The following ZNF43 variants were observed in gnomAD, a reference collection of about 807,000 sequenced individuals.
The protein encoded by ZNF43 is zinc finger protein 43.
In ZNF43, 44 loss-of-function variants were observed where a neutral mutation model predicts 68.4. The ratio of observed to expected loss-of-function variants is 0.64; its 90% CI spans 0.51 to 0.83. The LOEUF is 0.83. Ranked by LOEUF, ZNF43 falls within the 40% of genes least tolerant of loss-of-function variation. ZNF43 has a pLI of 0.00. For missense variants in ZNF43, 896 were observed against 933.2 expected, an observed-to-expected ratio of 0.96 and a Z score of 0.52; for synonymous variants, 308 against 307.8, an observed-to-expected ratio of 1.00 and a Z score of -0.01.
At chr19:21,814,004 CCA>C (rs2037401733) in intron 3 of ZNF43, among the ~76,000 whole-genome samples, 2 of 152,096 alleles carry the variant, frequency 1.3e-5, no homozygotes, top group South Asian at 4.1e-4. Context: ...CTGAAGCAAT[CCA>C]CCTGTCTTGG....
chr19:21,833,668 T>C (rs533075222), intron 1 of ZNF43, among the ~76,000 whole-genome samples: 1 of 151,016 alleles, frequency 6.6e-6, no homozygotes, highest in South Asian at 2.1e-4. Flanking sequence ...AACAACAAAA[T>C]GAAGTGTGGC....
intron 1 of ZNF43, among the ~76,000 whole-genome samples, chr19:21,825,827 TG>T (rs1481628250): frequency 6.6e-6 from 1 of 152,114 alleles, no homozygotes; most frequent in Non-Finnish European, 1.5e-5. Flanking sequence ...CCAAGGCAGG[TG>T]GATCAGGAGG....
intron 1 of ZNF43, among the ~76,000 whole-genome samples, chr19:21,844,747 A>G (rs996700828): frequency 6.0e-5 from 9 of 150,582 alleles, no homozygotes; most frequent in Non-Finnish European, 1.0e-4. Flanking sequence ...AATACAAAAA[A>G]CTAGCCAGGC....
chr19:21,825,121 C>G (rs1259881364), intron 1 of ZNF43, among the ~76,000 whole-genome samples: 1 of 152,094 alleles, frequency 6.6e-6, no homozygotes. Flanking sequence ...GTAATCCCAG[C>G]TACTCGGGAG....
At chr19:21,820,222 T>C (rs939689891) in intron 1 of ZNF43, among the ~76,000 whole-genome samples, 4 of 146,956 alleles carry the variant, frequency 2.7e-5, no homozygotes, top group Non-Finnish European at 4.5e-5. Context: ...TAATAATATA[T>C]ATATATAATA....
In ZNF43 at chr19:21,808,118, T is replaced by C. The variant is rs377477408; in HGVS notation, c.1919A>G (p.His640Arg). The change falls in exon 4 of 4, where the codon CAT becomes CGT. Residue 640 changes from histidine to arginine, a missense_variant. By Grantham distance (29) the His-to-Arg change is conservative (BLOSUM62 0). Coordinates refer to ENST00000354959, the MANE Select transcript of ZNF43 (RefSeq NM_003423.4). ...TTTCTCCTCAGTGTGAATTATCTTA[T>C]GTTTAGTAAGAGTTGAGAACTGGTT... is the stretch of plus-strand genomic sequence containing the variant. Reference protein sequence around the residue: ...AFNQFSTLTKHKIIHTEEKPY... With the variant: ...AFNQFSTLTKRKIIHTEEKPY... 6.2e-7 allele frequency: 1 copy of C among 1,613,200 alleles called. No individual in the cohort carries two copies. Among genetic ancestry groups the C allele is most frequent in the South Asian group, 1.1e-5 (1 of 91,024 alleles).
At position 21,850,724 on chromosome 19, in the gene ZNF43, T is replaced by A. The variant is rs1968291764; in HGVS notation, c.30+1181A>T. On this transcript the variant is annotated intron_variant, in intron 1 of 3. Transcript: ENST00000357491. ...CTTAGCAATATGTAACAATGCACCT[T>A]GTGGACAGTGCCAAGGCAAGAAAAA... Among the ~76,000 whole-genome samples the A allele has an allele frequency of 5.9e-5, 9 of 152,138 alleles. 1 individual carries two copies. Among genetic ancestry groups the A allele is most frequent in the Admixed American group, 5.9e-4 (9 of 15,276 alleles).
intron 3 of ZNF43, among the ~76,000 whole-genome samples, chr19:21,816,473 C>T (rs2145204030): frequency 6.6e-6 from 1 of 152,314 alleles, no homozygotes; most frequent in Middle Eastern, 3.4e-3. Flanking sequence ...CTGTTCTTAA[C>T]TACAGACCAG....
intron 1 of ZNF43, among the ~76,000 whole-genome samples, chr19:21,833,351 C>G (rs1030017461): frequency 1.3e-5 from 2 of 152,126 alleles, no homozygotes; most frequent in Non-Finnish European, 2.9e-5. Flanking sequence ...ACTGCAACCT[C>G]GGCCTCCCAG....
intron 1 of ZNF43, among the ~76,000 whole-genome samples, chr19:21,843,501 T>C (rs552746887): frequency 1.3e-5 from 2 of 152,280 alleles, no homozygotes; most frequent in South Asian, 2.1e-4. Context: ...AGTAAAATCA[T>C]AGCCTTGGCC....
intron 3 of ZNF43, among the ~76,000 whole-genome samples, chr19:21,816,417 T>C (rs2145203773): frequency 6.6e-6 from 1 of 152,286 alleles, no homozygotes; most frequent in African/African-American, 2.4e-5. Context: ...AGGAGTTTTC[T>C]TTTTCAGAAG....
At chr19:21,851,946 G>A (rs1006853404) in exon 1 of ZNF43, 1 of 1,565,102 alleles carries the variant, frequency 6.4e-7, no homozygotes, top group South Asian at 1.2e-5. Context: ...TTAGCTGTGC[G>A]TCTCCCAGGA....
chr19:21,828,206 T>C (rs1041450121), intron 1 of ZNF43, among the ~76,000 whole-genome samples: 4 of 152,258 alleles, frequency 2.6e-5, no homozygotes, highest in Non-Finnish European at 4.4e-5. Context: ...TCATAATGTA[T>C]GTAGTATTCT....
rs1568338644 is a variant in ZNF43 at position 21,808,086 on chromosome 19, T to C, written c.1951A>G (p.Lys651Glu). 3 of 1,613,032 alleles carry C rather than the reference T, an allele frequency of 1.9e-6. 1 individual carries two copies. Among genetic ancestry groups the C allele is most frequent in the South Asian group, 2.2e-5 (2 of 91,020 alleles). Residue 651 changes from lysine to glutamate, a missense_variant, in exon 4 of 4, where the codon AAA becomes GAA. Coordinates refer to ENST00000354959, the MANE Select transcript of ZNF43 (RefSeq NM_003423.4). ...AAGGCTTTGCCACATTCTTCACATT[T>C]GTAGGGTTTCTCCTCAGTGTGAATT... ...KIIHTEEKPY[K>E]CEECGKAFKW...
chr19:21,821,061 C>G (rs1055110214), intron 1 of ZNF43, among the ~76,000 whole-genome samples: 5 of 151,564 alleles, frequency 3.3e-5, no homozygotes, highest in African/African-American at 9.7e-5. Flanking sequence ...TCTCAAACTC[C>G]TGAACTCCAG....
At position 21,847,478 on chromosome 19, in the gene ZNF43, C is replaced by A. The variant is rs113091889; in HGVS notation, c.30+4427G>T. On this transcript the variant is annotated intron_variant, in intron 1 of 3. Transcript: ENST00000357491. ...TTGGGAGGCTGAGGAGGGTGGATCA[C>A]TTGAGGCCAGGAGTTCGAGACCAGC... is the stretch of plus-strand genomic sequence containing the variant. Among the ~76,000 whole-genome samples the A allele has an allele frequency of 3.2e-3, 484 of 152,188 alleles. 5 individuals are homozygous for A. The highest frequency in any genetic ancestry group is 0.011 in the African/African-American group (448 of 41,536).
chr19:21,832,286 T>A (rs994501397), intron 1 of ZNF43, among the ~76,000 whole-genome samples: 1 of 152,030 alleles, frequency 6.6e-6, no homozygotes, highest in South Asian at 2.1e-4. Flanking sequence ...TAAAAAAAAA[T>A]TTCTATTTAA....
At chr19:21,818,073 T>G in intron 2 of ZNF43, 87 bp from the exon 3 acceptor site, 4 of 1,338,152 alleles carry the variant, frequency 3.0e-6, no homozygotes, top group Non-Finnish European at 4.1e-6. Flanking sequence ...AAGGGTGTGA[T>G]AGAATATCCT....
chr19:21,825,495 T>G (rs189934204), intron 1 of ZNF43, among the ~76,000 whole-genome samples: 1 of 152,302 alleles, frequency 6.6e-6, no homozygotes, highest in East Asian at 1.9e-4. Flanking sequence ...AAAAAAGGAC[T>G]TGCATTTCTC....
Sources: allele counts gnomAD v4.1 joint callset (sites outside exome capture counted in the v4.1 genomes callset), GRCh38; gene constraint gnomAD v4.1.1; transcripts MANE v1.5; gene names NCBI Gene and HGNC (gene_info 2026-07-23, HGNC 2026-07-21).